The following CRYBG1 variants were observed in gnomAD, a reference collection of about 807,000 sequenced individuals.
The protein encoded by CRYBG1 is crystallin beta-gamma domain containing 1, also known as beta/gamma crystallin domain-containing protein 1.
In CRYBG1, 139 loss-of-function variants were observed where a neutral mutation model predicts 189.2. That is an observed-to-expected ratio of 0.73 (90% CI 0.64 to 0.85). The LOEUF (loss-of-function observed/expected upper bound fraction) is 0.85. Ranked by LOEUF, CRYBG1 falls within the 40% of genes least tolerant of loss-of-function variation. The pLI is 0.00. For missense variants in CRYBG1, 2,611 were observed against 2,675.8 expected, an observed-to-expected ratio of 0.98 and a Z score of 0.53; for synonymous variants, 1,023 against 1,017.1, an observed-to-expected ratio of 1.01 and a Z score of -0.11.
At chr6:106,482,534 G>C (rs1772487731) in intron 2 of CRYBG1, among the ~76,000 whole-genome samples, 1 of 152,116 alleles carries the variant, frequency 6.6e-6, no homozygotes, top group Admixed American at 6.5e-5. Flanking sequence ...CCAGCACTTT[G>C]GGAGGCCGAG....
intron 8 of CRYBG1, among the ~76,000 whole-genome samples, chr6:106,538,005 A>G (rs1328928882): frequency 1.3e-5 from 2 of 152,232 alleles, no homozygotes; most frequent in East Asian, 3.8e-4. Context: ...GGGAGGGGTC[A>G]GACCCGTTTT....
intron 3 of CRYBG1, among the ~76,000 whole-genome samples, 156 bp from the exon 4 acceptor site, chr6:106,518,975 G>GCACACACACACACACACACA (rs377748036): frequency 7.4e-6 from 1 of 134,288 alleles, no homozygotes; most frequent in East Asian, 2.0e-4. Flanking sequence ...ACATGTGTGC[G>GCACACACACACACACACACA]CACACACACA....
intron 13 of CRYBG1, among the ~76,000 whole-genome samples, chr6:106,551,270 G>C (rs1043182144): frequency 2.6e-5 from 4 of 152,030 alleles, no homozygotes; most frequent in African/African-American, 9.7e-5. Context: ...TTTGGTATTT[G>C]ATTTTCTGTT....
At chr6:106,479,663 T>A (rs540525519) in intron 2 of CRYBG1, among the ~76,000 whole-genome samples, 1 of 152,368 alleles carries the variant, frequency 6.6e-6, no homozygotes, top group Admixed American at 6.5e-5. Context: ...TTTGCATTTC[T>A]GTAATGATTA....
At chr6:106,470,833 T>A (rs1371636782) in intron 2 of CRYBG1, among the ~76,000 whole-genome samples, 3 of 152,152 alleles carry the variant, frequency 2.0e-5, no homozygotes. Context: ...CATGAGCCCC[T>A]GAGTTAGGTA....
In CRYBG1 at chr6:106,360,905, G is replaced by A. The variant is rs112722851; in HGVS notation, c.-4G>A. On this transcript the variant is annotated 5_prime_UTR_variant, in exon 1 of 22. Transcript: ENST00000633556. ...GGCAGTCGGAGCGGGAGGAGGACAA[G>A]ACGATGCCGCTGTCCCCGCCAGCCC... The A allele has an allele frequency of 6.6e-4, 1,015 of 1,532,230 alleles. 11 individuals carry two copies. In the African/African-American group the frequency reaches 0.012, roughly 18 times the overall value. 94.9% of individuals were successfully genotyped at this position (1,532,230 alleles called of 1,614,324 possible).
intron 2 of CRYBG1, among the ~76,000 whole-genome samples, chr6:106,495,830 AAAAAAAAC>A (rs1410258891): frequency 3.2e-4 from 49 of 151,000 alleles, no homozygotes; most frequent in Non-Finnish European, 6.3e-4. Context: ...AAAAAAAAAA[AAAAAAAAC>A]AACTTTCCCC....
chr6:106,439,290 C>G (rs1413152762), intron 1 of CRYBG1, among the ~76,000 whole-genome samples: 2 of 151,942 alleles, frequency 1.3e-5, no homozygotes, highest in Non-Finnish European at 2.9e-5. Flanking sequence ...TAATTATCTC[C>G]TTTTTAATTT....
chr6:106,457,168 C>CT (rs1771906143), intron 2 of CRYBG1: 1 of 152,252 alleles, frequency 6.6e-6, no homozygotes, highest in Non-Finnish European at 1.5e-5. Flanking sequence ...CTGGAGGCTA[C>CT]ATCCAAGGTC....
rs147616991 is a variant in CRYBG1, at chr6:106,423,353, A to G, written c.174-28341A>G. On this transcript the variant is annotated intron_variant, in intron 1 of 21. Coordinates refer to ENST00000633556, the MANE Select transcript of CRYBG1 (RefSeq NM_001371242.2). ...CCACAGTTCAATCATTCAACTTTAA[A>G]ATCTTCCTTTGCATTGGCTAGAGTC... Among the ~76,000 whole-genome samples the G allele has an allele frequency of 8.3e-4, 126 of 151,154 alleles. 1 individual carries two copies. Among genetic ancestry groups the G allele is most frequent in the African/African-American group, 2.9e-3 (119 of 41,152 alleles).
At chr6:106,515,459 A>G (rs1456778209) in intron 3 of CRYBG1, among the ~76,000 whole-genome samples, 2 of 152,160 alleles carry the variant, frequency 1.3e-5, no homozygotes, top group African/African-American at 4.8e-5. Flanking sequence ...AGTGTTTTCT[A>G]TTTACATCAT....
At chr6:106,415,014 T>A (rs949645736) in intron 1 of CRYBG1, among the ~76,000 whole-genome samples, 2 of 152,236 alleles carry the variant, frequency 1.3e-5, no homozygotes, top group Admixed American at 1.3e-4. Context: ...CTTCTTTTTT[T>A]TCACATAAAT....
chr6:106,450,046 G>A (rs1355976810), intron 1 of CRYBG1, among the ~76,000 whole-genome samples: 1 of 137,734 alleles, frequency 7.3e-6, no homozygotes, highest in Non-Finnish European at 1.6e-5. Context: ...CTAACATGGT[G>A]AAACCCTGTC....
chr6:106,417,423 A>G (rs914175690), intron 1 of CRYBG1, among the ~76,000 whole-genome samples: 3 of 152,126 alleles, frequency 2.0e-5, no homozygotes, highest in Admixed American at 2.0e-4. Flanking sequence ...GACTAACCCT[A>G]TTCCCAGCCT....
At chr6:106,501,679 G>C (rs1773014292) in intron 2 of CRYBG1, among the ~76,000 whole-genome samples, 1 of 152,152 alleles carries the variant, frequency 6.6e-6, no homozygotes, top group Non-Finnish European at 1.5e-5. Context: ...TGCAACTTTT[G>C]AGAGAATAAG....
At chr6:106,417,431 C>G (rs920155737) in intron 1 of CRYBG1, among the ~76,000 whole-genome samples, 1 of 152,058 alleles carries the variant, frequency 6.6e-6, no homozygotes, top group African/African-American at 2.4e-5. Context: ...CTATTCCCAG[C>G]CTTGTTGAAA....
chr6:106,566,632 C>G (rs558369050), intron 21 of CRYBG1, among the ~76,000 whole-genome samples: 1 of 151,870 alleles, frequency 6.6e-6, no homozygotes. Flanking sequence ...CCACCACGCC[C>G]GGCTAGCTAC....
Position 106,558,611 on chromosome 6 carries a change from G to A in CRYBG1, c.5841G>A (p.Gln1947=), listed in dbSNP as rs1460725132. 6.3e-7 allele frequency: 1 copy of A among 1,599,570 alleles called. No individual in the cohort carries two copies. Among genetic ancestry groups the A allele is most frequent in the Non-Finnish European group, 8.5e-7 (1 of 1,175,606 alleles). ...TCAACACACAAATACGCTCTGTTCA[G>A]GTTATTGGTGGCATGTGAGTTACCT... ...LGFNTQIRSV[Q]VIGGIWVTYE... The change falls in exon 18 of 22, where the codon CAG becomes CAA. Residue 1947 remains glutamine (Q), a synonymous_variant. Transcript: ENST00000633556.
intron 1 of CRYBG1, among the ~76,000 whole-genome samples, chr6:106,394,651 A>C (rs150875168): frequency 6.6e-6 from 1 of 152,342 alleles, no homozygotes; most frequent in African/African-American, 2.4e-5. Flanking sequence ...ACAGTTTTTA[A>C]ACAAGTATGT....
Sources: gnomAD v4.1 joint callset for allele counts (sites outside exome capture counted in the v4.1 genomes callset) on GRCh38, gnomAD v4.1.1 for gene constraint, MANE v1.5 for transcripts, NCBI Gene and HGNC (gene_info 2026-07-23, HGNC 2026-07-21) for gene names.